LSAMP: variants seen among roughly 807,000 people sequenced by gnomAD.
LSAMP encodes the protein limbic system associated membrane protein.
LSAMP carries 7 observed loss-of-function variants against 38.6 expected under a neutral mutation model. The observed-to-expected ratio is 0.18, with a 90% CI of 0.10 to 0.34. The LOEUF (loss-of-function observed/expected upper bound fraction) is 0.34, where lower values mean the gene tolerates loss of function less well. LSAMP is among the 10% of genes least tolerant of loss of function. The pLI is 1.00. For synonymous variants in LSAMP, 154 were observed against 166.8 expected, an observed-to-expected ratio of 0.92 and a Z score of 0.59; for missense variants, 313 against 420.0, an observed-to-expected ratio of 0.75 and a Z score of 2.23.
intron 3 of LSAMP, among the ~76,000 whole-genome samples, chr3:115,979,093 A>G (rs573345888): frequency 1.4e-4 from 22 of 152,110 alleles, no homozygotes; most frequent in Non-Finnish European, 1.8e-4. Flanking sequence ...GCAAAAGGAG[A>G]TCAATATCTA....
At chr3:116,056,894 T>C (rs1941499695) in intron 2 of LSAMP, among the ~76,000 whole-genome samples, 1 of 152,108 alleles carries the variant, frequency 6.6e-6, no homozygotes, top group Non-Finnish European at 1.5e-5. Context: ...GACTAGCTAG[T>C]ATGTACTGAG....
chr3:115,907,941 C>A (rs1038907487), intron 3 of LSAMP, among the ~76,000 whole-genome samples: 1 of 151,948 alleles, frequency 6.6e-6, no homozygotes, highest in Admixed American at 6.6e-5. Flanking sequence ...CAACATAGCC[C>A]CATCTCATGT....
intron 3 of LSAMP, among the ~76,000 whole-genome samples, chr3:115,938,238 A>T (rs1371784452): frequency 6.6e-6 from 1 of 152,212 alleles, no homozygotes; most frequent in Admixed American, 6.6e-5. Context: ...AACTCTACTG[A>T]GCAGACCCAT....
intron 2 of LSAMP, among the ~76,000 whole-genome samples, chr3:116,040,803 G>A (rs1202986165): frequency 6.6e-6 from 1 of 152,134 alleles, no homozygotes; most frequent in African/African-American, 2.4e-5. Flanking sequence ...AGGCTGAAGT[G>A]CAGTGGCTCA....
At chr3:116,096,242 T>A (rs1218621173) in intron 1 of LSAMP, among the ~76,000 whole-genome samples, 1 of 152,192 alleles carries the variant, frequency 6.6e-6, no homozygotes, top group Non-Finnish European at 1.5e-5. Flanking sequence ...ATATTTGGAG[T>A]ACACAGTGAG....
At chr3:116,149,161 T>C (rs1709554803) in intron 1 of LSAMP, among the ~76,000 whole-genome samples, 2 of 151,950 alleles carry the variant, frequency 1.3e-5, no homozygotes, top group Non-Finnish European at 2.9e-5. Context: ...GTTCACAGTA[T>C]GGCCCTCATG....
At chr3:116,014,092 T>G (rs1378396135) in intron 3 of LSAMP, among the ~76,000 whole-genome samples, 3 of 152,150 alleles carry the variant, frequency 2.0e-5, no homozygotes, top group Admixed American at 2.0e-4. Context: ...TGACTTATGG[T>G]GGATTGACTT....
intron 1 of LSAMP, among the ~76,000 whole-genome samples, chr3:116,171,065 T>C (rs1418922354): frequency 1.3e-5 from 2 of 152,192 alleles, no homozygotes; most frequent in Admixed American, 1.3e-4. Context: ...TCCAGCATTG[T>C]GCATCAGAAC....
chr3:115,820,101 A>ATT (rs34531233), intron 6 of LSAMP, among the ~76,000 whole-genome samples: 15 of 151,136 alleles, frequency 9.9e-5, no homozygotes, highest in Admixed American at 2.6e-4. Flanking sequence ...TATAGACAGA[A>ATT]TTTTTTTTTG....
At chr3:116,324,943 A>ATAG (rs1257089008) in intron 1 of LSAMP, among the ~76,000 whole-genome samples, 2 of 151,946 alleles carry the variant, frequency 1.3e-5, no homozygotes, top group Non-Finnish European at 2.9e-5. Flanking sequence ...GCCGTCCTTC[A>ATAG]TAGTCTTTCA....
At chr3:116,260,829 T>G (rs1219665687) in intron 1 of LSAMP, among the ~76,000 whole-genome samples, 1 of 152,124 alleles carries the variant, frequency 6.6e-6, no homozygotes, top group Non-Finnish European at 1.5e-5. Flanking sequence ...AGACCTAAAG[T>G]CTAAGGCAGC....
At chr3:115,913,528 G>T (rs1162779924) in intron 3 of LSAMP, among the ~76,000 whole-genome samples, 2 of 152,204 alleles carry the variant, frequency 1.3e-5, no homozygotes, top group African/African-American at 4.8e-5. Flanking sequence ...CCTCCCCAGG[G>T]CAAGGACTGT....
At chr3:116,069,218 G>A (rs979972761) in intron 2 of LSAMP, among the ~76,000 whole-genome samples, 2 of 152,132 alleles carry the variant, frequency 1.3e-5, no homozygotes, top group African/African-American at 2.4e-5. Context: ...TTCTTAGCAC[G>A]TTTCAGCTCA....
intron 1 of LSAMP, among the ~76,000 whole-genome samples, chr3:116,372,786 C>T (rs573199757): frequency 3.4e-4 from 52 of 151,212 alleles, no homozygotes; most frequent in Non-Finnish European, 5.8e-4. Context: ...GGAAAAGATG[C>T]TCAACATCAC....
intron 3 of LSAMP, among the ~76,000 whole-genome samples, chr3:115,859,286 C>T (rs542982962): frequency 3.3e-5 from 5 of 151,888 alleles, no homozygotes; most frequent in African/African-American, 4.8e-5. Flanking sequence ...TAGATGCAGT[C>T]GTCAAAAGCA....
intron 6 of LSAMP, among the ~76,000 whole-genome samples, chr3:115,830,017 T>C (rs1934558068): frequency 6.6e-6 from 1 of 152,224 alleles, no homozygotes; most frequent in African/African-American, 2.4e-5. Flanking sequence ...TTTTGTATAT[T>C]ATTTAAAATA....
At chr3:116,237,237 A>T (rs1231186506) in intron 1 of LSAMP, among the ~76,000 whole-genome samples, 1 of 152,184 alleles carries the variant, frequency 6.6e-6, no homozygotes, top group African/African-American at 2.4e-5. Flanking sequence ...CAGTATTAGT[A>T]ACAATACATG....
intron 1 of LSAMP, among the ~76,000 whole-genome samples, chr3:116,105,501 G>T (rs925707969): frequency 2.6e-5 from 4 of 152,014 alleles, no homozygotes; most frequent in African/African-American, 9.7e-5. Context: ...ATAGGATTTG[G>T]AAAGGTAATG....
At chr3:116,103,887 T>A (rs1708405619) in intron 1 of LSAMP, among the ~76,000 whole-genome samples, 1 of 152,170 alleles carries the variant, frequency 6.6e-6, no homozygotes, top group Admixed American at 6.5e-5. Flanking sequence ...TAAAGATAAT[T>A]TCAAAAATAA....
Sources: gnomAD v4.1 joint callset for allele counts (sites outside exome capture counted in the v4.1 genomes callset) on GRCh38, gnomAD v4.1.1 for gene constraint, MANE v1.5 for transcripts, NCBI Gene and HGNC (gene_info 2026-07-23, HGNC 2026-07-21) for gene names.